OXNAD1: variants seen among roughly 807,000 people sequenced by gnomAD.
OXNAD1 encodes the protein oxidoreductase NAD-binding domain-containing protein 1.
In OXNAD1, 34 loss-of-function variants were observed where a neutral mutation model predicts 32.9. That is an observed-to-expected ratio of 1.03 (90% CI 0.79 to 1.38). The LOEUF is 1.38. Among genes scored for constraint, OXNAD1 ranks in the 40% most tolerant of loss-of-function variants. The probability of loss-of-function intolerance (pLI) is 0.00; values close to 1 mark genes in which losing one functional copy is unlikely to be tolerated. For missense variants in OXNAD1, 407 were observed against 379.4 expected, an observed-to-expected ratio of 1.07 and a Z score of -0.60; for synonymous variants, 134 against 135.2, an observed-to-expected ratio of 0.99 and a Z score of 0.06.
Position 16,327,981 on chromosome 3 carries a change from T to C in OXNAD1, c.*31-9131T>C, listed in dbSNP as rs1392162589. On this transcript the variant is annotated intron_variant, in intron 9 of 9. Coordinates refer to the OXNAD1 transcript ENST00000435829. This position sits in a 1 kb window ranked among gnomAD's most constrained non-coding sequence, Gnocchi z 4.2. ...TCCCTCATAGTTTGGCTTCTTGTAG[T>C]TGGCTTCCGAAAATCTCAAACATGT... 6.6e-6 allele frequency among the ~76,000 whole-genome samples: 1 copy of C among 152,236 alleles called. No individual in the cohort carries two copies. Among genetic ancestry groups the C allele is most frequent in the Admixed American group, 6.5e-5 (1 of 15,290 alleles).
At position 16,322,434 on chromosome 3, in the gene OXNAD1, G is replaced by A. The variant is rs530449533; in HGVS notation, c.*31-14678G>A. On this transcript the variant is annotated intron_variant, in intron 9 of 9. Transcript: ENST00000435829. The surrounding 1 kb of genome is among the most constrained non-coding windows in gnomAD (Gnocchi z 6.2). ...AAAGAACATGAGGAACCAAGCGTGA[G>A]GAATGCAGGAGTGATGCCAGGAGTG... 1.2e-4 allele frequency among the ~76,000 whole-genome samples: 18 copies of A among 152,348 alleles called. No homozygotes were observed. The highest frequency in any genetic ancestry group is 6.5e-4 in the Admixed American group (10 of 15,310).
At chr3:16,291,899 TTGTC>T (rs1307509415) in intron 5 of OXNAD1, among the ~76,000 whole-genome samples, 1 of 152,220 alleles carries the variant, frequency 6.6e-6, no homozygotes, top group Non-Finnish European at 1.5e-5. Flanking sequence ...ACACTATTGT[TTGTC>T]TCTTTGATTA....
At chr3:16,278,711 C>T (rs865907857) in intron 4 of OXNAD1, among the ~76,000 whole-genome samples, 7 of 152,306 alleles carry the variant, frequency 4.6e-5, no homozygotes, top group Middle Eastern at 3.4e-3. Flanking sequence ...TCTGTTTAGA[C>T]GGACAAGGCT....
chr3:16,340,869 C>T (rs189204512), downstream of OXNAD1, among the ~76,000 whole-genome samples: 98 of 152,146 alleles, frequency 6.4e-4, 1 homozygote, highest in Admixed American at 4.5e-3. Flanking sequence ...AATGAGAAGA[C>T]AAGTCAAAGA....
Position 16,296,964 on chromosome 3 carries a change from A to C in OXNAD1, c.432+1967A>C, listed in dbSNP as rs2066842661. The stretch of plus-strand genomic sequence containing the variant: ...ATTCTTAAACACAATACCAAAAGCA[A>C]GATCCATCAAAAAAAAGGTTGATGA... On this transcript the variant is annotated intron_variant, in intron 6 of 8. Coordinates refer to ENST00000285083, the MANE Select transcript of OXNAD1 (RefSeq NM_138381.5). 2.0e-5 allele frequency among the ~76,000 whole-genome samples: 3 copies of C among 152,338 alleles called. No homozygotes were observed. In the South Asian group the frequency reaches 6.2e-4, roughly 32 times the overall value.
chr3:16,278,925 A>G (rs1345647164), intron 4 of OXNAD1, among the ~76,000 whole-genome samples: 1 of 152,190 alleles, frequency 6.6e-6, no homozygotes, highest in Admixed American at 6.5e-5. Flanking sequence ...TGCAGAGTGG[A>G]CTATGTCCCA....
chr3:16,336,513 C>T lies in OXNAD1; in HGVS notation c.*31-599C>T, dbSNP rs1041728893. 4.6e-5 allele frequency among the ~76,000 whole-genome samples: 7 copies of T among 152,184 alleles called. No homozygotes were observed. Among genetic ancestry groups the T allele is most frequent in the African/African-American group, 9.7e-5 (4 of 41,440 alleles). On this transcript the variant is annotated intron_variant, in intron 9 of 9. Transcript: ENST00000435829. The surrounding 1 kb of genome is among the most constrained non-coding windows in gnomAD (Gnocchi z 6.0). ...GGGAGGGAGGGACAGGCACGCTGGC[C>T]GGCTAGAGATGTTGTTTTCTCCTTT...
At position 16,288,119 on chromosome 3, in the gene OXNAD1, A is replaced by C. The variant is rs111512829; in HGVS notation, c.290+1671A>C. Among the ~76,000 whole-genome samples, 1 of 152,166 alleles carries C rather than the reference A, an allele frequency of 6.6e-6. No individual in the cohort carries two copies. The highest frequency in any genetic ancestry group is 2.4e-5 in the African/African-American group (1 of 41,452). On this transcript the variant is annotated intron_variant, in intron 5 of 8. Transcript: ENST00000285083. The surrounding 1 kb of genome is among the most constrained non-coding windows in gnomAD (Gnocchi z 5.1). ...TTTTGATATTTGACCTTATGGTCAC[A>C]GAATGGCCATTTTGCTGAGGTTGGC...
In OXNAD1 at chr3:16,303,345, C is replaced by T; in HGVS notation, c.785-63C>T. 2 of 1,566,332 alleles carry T rather than the reference C, an allele frequency of 1.3e-6. No individual in the cohort carries two copies. The highest frequency in any genetic ancestry group is 1.7e-6 in the Non-Finnish European group (2 of 1,144,276). On this transcript the variant is annotated intron_variant, in intron 8 of 8. Transcript: ENST00000285083. The surrounding 1 kb of genome is among the most constrained non-coding windows in gnomAD (Gnocchi z 4.8). ...CACTGTATCTGAATTGTGGTTAGTC[C>T]TTCCTCATTTGCTGATACAACCATG...
At chr3:16,337,478 T>TGA (rs2070965410), downstream of OXNAD1, 3 of 152,082 alleles carry the variant, frequency 2.0e-5, no homozygotes, top group Non-Finnish European at 4.4e-5. This position sits in a 1 kb window ranked among gnomAD's most constrained non-coding sequence, Gnocchi z 5.0. Flanking sequence ...GCTCAGTGGC[T>TGA]CACGCCTGTA....
chr3:16,294,397 C>T (rs1013698536), intron 5 of OXNAD1, among the ~76,000 whole-genome samples: 5 of 151,906 alleles, frequency 3.3e-5, no homozygotes, highest in African/African-American at 7.3e-5. Flanking sequence ...TTAGTAGAGA[C>T]GGGGTTTCAC....
At chr3:16,286,472 T>C (rs1411691220) in intron 5 of OXNAD1, 24 bp downstream of exon 5, 5 of 1,578,912 alleles carry the variant, frequency 3.2e-6, no homozygotes, top group Non-Finnish European at 4.4e-6. Flanking sequence ...CTGTGTTCCA[T>C]GTATGTATGT....
rs2070877118 is a variant in OXNAD1, at chr3:16,336,635, T to C, written c.*31-477T>C. Among the ~76,000 whole-genome samples the C allele has an allele frequency of 6.6e-6, 1 of 152,178 alleles. No homozygotes were observed. On this transcript the variant is annotated intron_variant, in intron 9 of 9. Coordinates refer to the OXNAD1 transcript ENST00000435829. This position sits in a 1 kb window ranked among gnomAD's most constrained non-coding sequence, Gnocchi z 6.0. ...AGCAGTCTTCTCATTTTAGACAACT[T>C]AGGCTTTCATAATGTTCAAAGAGAA...
At chr3:16,281,403 GT>G (rs2125022286) in intron 4 of OXNAD1, among the ~76,000 whole-genome samples, 1 of 152,206 alleles carries the variant, frequency 6.6e-6, no homozygotes, top group East Asian at 1.9e-4. Context: ...AATCCAAAAC[GT>G]TTTGAGTACT....
Position 16,271,541 on chromosome 3 carries a change from T to C in OXNAD1, c.120-118T>C. 1.2e-6 allele frequency: 1 copy of C among 863,686 alleles called. No individual in the cohort carries two copies. Among genetic ancestry groups the C allele is most frequent in the East Asian group, 3.0e-5 (1 of 33,594 alleles). 53.5% of individuals were successfully genotyped at this position (863,686 alleles called of 1,614,324 possible). A position where few individuals can be genotyped will look rare whatever the true frequency, so the allele number is the denominator to read the frequency against. ...AGACGGGCAGATACTCACTGGCCAT[T>C]TTATAGGATCTGTAATGTTACACTG... is the stretch of plus-strand genomic sequence containing the variant. On this transcript the variant is annotated intron_variant, in intron 3 of 8. Transcript: ENST00000285083. The surrounding 1 kb of genome is among the most constrained non-coding windows in gnomAD (Gnocchi z 4.6).
At chr3:16,349,979 T>G (rs754708771) in exon 10 of OXNAD1, 7 of 152,246 alleles carry the variant, frequency 4.6e-5, no homozygotes, top group Non-Finnish European at 8.8e-5. Flanking sequence ...CTGATTGAAG[T>G]CCACTCACAT....
intron 9 of OXNAD1, among the ~76,000 whole-genome samples, chr3:16,328,782 A>G (rs745839360): frequency 6.6e-6 from 1 of 152,218 alleles, no homozygotes; most frequent in Non-Finnish European, 1.5e-5. Flanking sequence ...TCTGAGAACC[A>G]TCGCCTAGGT....
intron 1 of OXNAD1, among the ~76,000 whole-genome samples, chr3:16,267,200 C>G (rs1018856060): frequency 6.6e-6 from 1 of 152,214 alleles, no homozygotes; most frequent in African/African-American, 2.4e-5. Flanking sequence ...TCATGTTCAT[C>G]TACTTCTGCC....
At chr3:16,308,681 T>G (rs2067742982), downstream of OXNAD1, among the ~76,000 whole-genome samples, 1 of 152,212 alleles carries the variant, frequency 6.6e-6, no homozygotes, top group Non-Finnish European at 1.5e-5. The surrounding 1 kb of genome is among the most constrained non-coding windows in gnomAD (Gnocchi z 4.4). Context: ...TACCTCCTAA[T>G]GTGCCATAAA....
Sources: gnomAD v4.1 joint callset for allele counts (sites outside exome capture counted in the v4.1 genomes callset) on GRCh38, gnomAD v4.1.1 for gene constraint, Gnocchi (gnomAD v3.1) non-coding constraint, MANE v1.5 for transcripts, NCBI Gene and HGNC (gene_info 2026-07-23, HGNC 2026-07-21) for gene names.